EXOC4: variants seen among roughly 807,000 people sequenced by gnomAD.
The protein encoded by EXOC4 is SEC8-like 1.
In EXOC4, 71 loss-of-function variants were observed where a neutral mutation model predicts 107.2. That is an observed-to-expected ratio of 0.66 (90% CI 0.55 to 0.81). The LOEUF (loss-of-function observed/expected upper bound fraction) is 0.81, where lower values mean the gene tolerates loss of function less well. Ranked by LOEUF, EXOC4 falls within the 30% of genes least tolerant of loss-of-function variation. The pLI is 0.00. For missense variants in EXOC4, 1,108 were observed against 1,189.6 expected (o/e 0.93, Z 1.01); for synonymous variants, 456 against 441.2 (o/e 1.03, Z -0.42).
At chr7:133,798,161 C>T (rs74465792) in intron 10 of EXOC4, among the ~76,000 whole-genome samples, 1,857 of 152,018 alleles carry the variant, frequency 0.012, 36 homozygotes, top group African/African-American at 0.042. Context: ...TTTCAGATTC[C>T]TTTGCCTGAT....
chr7:133,763,522 C>T (rs184863446), intron 10 of EXOC4, among the ~76,000 whole-genome samples: 3 of 152,014 alleles, frequency 2.0e-5, no homozygotes, highest in Non-Finnish European at 2.9e-5. Context: ...TCTTGCTCCC[C>T]GAGTTTGCTC....
chr7:133,590,961 ACTGCTACATGG>A lies in EXOC4; in HGVS notation c.1418-39080_1418-39070del, dbSNP rs577023764. On this transcript the variant is annotated intron_variant, in intron 9 of 17. Transcript: ENST00000253861. ...ATCATGGGCAGGGACCTCCCTAGACACTGCTACATGGCTGATACAGGGCTCAGCCCTGCTGG... is the reference window on the plus strand; with the variant it reads ...ATCATGGGCAGGGACCTCCCTAGACACTGATACAGGGCTCAGCCCTGCTGG... Among the ~76,000 whole-genome samples, 23 of 152,276 alleles carry A rather than the reference ACTGCTACATGG, an allele frequency of 1.5e-4. No individual in the cohort carries two copies. In the South Asian group the frequency reaches 4.6e-3, roughly 30 times the overall value.
At chr7:133,376,658 G>A (rs936843473) in intron 7 of EXOC4, among the ~76,000 whole-genome samples, 1 of 152,164 alleles carries the variant, frequency 6.6e-6, no homozygotes, top group African/African-American at 2.4e-5. Context: ...AACTACTGTG[G>A]GACTGTGAGC....
chr7:133,906,014 G>GACT (rs1490580483), intron 12 of EXOC4, among the ~76,000 whole-genome samples: 2 of 152,186 alleles, frequency 1.3e-5, no homozygotes, highest in African/African-American at 4.8e-5. Flanking sequence ...AAATCACAGT[G>GACT]ACTAGAGTGG....
At chr7:133,768,372 C>A (rs976990534) in intron 10 of EXOC4, 1 of 151,830 alleles carries the variant, frequency 6.6e-6, no homozygotes. Context: ...ATTGTCTCCC[C>A]CACAACTCTT....
intron 9 of EXOC4, among the ~76,000 whole-genome samples, chr7:133,598,468 GA>G (rs1243825970): frequency 1.3e-5 from 2 of 152,186 alleles, no homozygotes; most frequent in Non-Finnish European, 2.9e-5. Context: ...TGAAGGTATT[GA>G]GTTCTTAAAA....
chr7:133,697,790 T>A (rs1211439861), intron 10 of EXOC4, among the ~76,000 whole-genome samples: 6 of 152,174 alleles, frequency 3.9e-5, no homozygotes. Context: ...CCCGACTTGA[T>A]AGGACCACTG....
At position 133,429,247 on chromosome 7, in the gene EXOC4, G is replaced by T. The variant is rs1271199131; in HGVS notation, c.1183-46081G>T. Among the ~76,000 whole-genome samples, 7 of 152,164 alleles carry T rather than the reference G, an allele frequency of 4.6e-5. No individual in the cohort carries two copies. In the South Asian group the frequency reaches 1.5e-3, roughly 32 times the overall value. On this transcript the variant is annotated intron_variant, in intron 7 of 17. Transcript: ENST00000253861. ...TGAATCAATCTTGATGTTTATTTTG[G>T]ATCTAAAATAAGGAACCAAGTATAA... is the stretch of plus-strand genomic sequence containing the variant.
intron 9 of EXOC4, among the ~76,000 whole-genome samples, chr7:133,585,591 A>T (rs1270797662): frequency 6.6e-6 from 1 of 152,030 alleles, no homozygotes; most frequent in Non-Finnish European, 1.5e-5. Flanking sequence ...ACACCACTGT[A>T]CACCAGCCTA....
At chr7:134,026,600 A>T (rs1405823527) in intron 17 of EXOC4, among the ~76,000 whole-genome samples, 2 of 151,844 alleles carry the variant, frequency 1.3e-5, no homozygotes, top group African/African-American at 4.8e-5. Flanking sequence ...TGTAGCTTAT[A>T]AATGAGTGGT....
chr7:133,749,837 T>G (rs1795753782), intron 10 of EXOC4, among the ~76,000 whole-genome samples: 1 of 152,218 alleles, frequency 6.6e-6, no homozygotes, highest in South Asian at 2.1e-4. Context: ...GTCAATTATT[T>G]TTCTAAGCTA....
downstream of EXOC4, among the ~76,000 whole-genome samples, chr7:134,068,825 A>T (rs1796223440): frequency 6.6e-6 from 1 of 152,194 alleles, no homozygotes; most frequent in African/African-American, 2.4e-5. Flanking sequence ...ATTGGCAACC[A>T]AACCCTAATG....
At chr7:134,036,877 G>A (rs1341326495) in intron 17 of EXOC4, among the ~76,000 whole-genome samples, 1 of 152,064 alleles carries the variant, frequency 6.6e-6, no homozygotes, top group Non-Finnish European at 1.5e-5. Context: ...TAATACTTCG[G>A]TTACCTTACC....
At chr7:133,345,859 A>G (rs755491782) in intron 5 of EXOC4, among the ~76,000 whole-genome samples, 1 of 152,110 alleles carries the variant, frequency 6.6e-6, no homozygotes, top group Non-Finnish European at 1.5e-5. Flanking sequence ...TGGGTGTTGT[A>G]TTGTCTGTAG....
chr7:133,918,954 G>C (rs547642554), intron 13 of EXOC4, among the ~76,000 whole-genome samples: 1 of 152,266 alleles, frequency 6.6e-6, no homozygotes, highest in South Asian at 2.1e-4. Flanking sequence ...CTCAAATTGT[G>C]CAACTGTAGA....
At chr7:133,856,572 G>C (rs1469334881) in intron 11 of EXOC4, among the ~76,000 whole-genome samples, 8 of 152,162 alleles carry the variant, frequency 5.3e-5, no homozygotes, top group Non-Finnish European at 7.3e-5. Context: ...TGTGTTGAAT[G>C]AATAAATGTG....
At chr7:133,375,030 C>G (rs1796457767) in intron 7 of EXOC4, 28 bp downstream of exon 7, 1 of 1,592,470 alleles carries the variant, frequency 6.3e-7, no homozygotes. Flanking sequence ...AGGGTGTCAT[C>G]TTGATTCAGA....
At chr7:133,763,350 C>A (rs564824125) in intron 10 of EXOC4, among the ~76,000 whole-genome samples, 1 of 152,090 alleles carries the variant, frequency 6.6e-6, no homozygotes, top group Non-Finnish European at 1.5e-5. Context: ...ATCCCTTTCA[C>A]CTAGCACAGT....
At chr7:133,971,920 T>C (rs1246361255) in intron 14 of EXOC4, among the ~76,000 whole-genome samples, 1 of 152,202 alleles carries the variant, frequency 6.6e-6, no homozygotes, top group African/African-American at 2.4e-5. Flanking sequence ...CAGAGCTACA[T>C]GGGGCATCCC....
Sources: allele counts gnomAD v4.1 joint callset (sites outside exome capture counted in the v4.1 genomes callset), GRCh38; gene constraint gnomAD v4.1.1; transcripts MANE v1.5; gene names NCBI Gene and HGNC (gene_info 2026-07-23, HGNC 2026-07-21).